The following MTCL3 variants were observed in gnomAD, a reference collection of about 807,000 sequenced individuals.
MTCL3 encodes microtubule cross-linking factor 3.
the MTCL3 span, chr6:127,516,199 C>T: frequency 7.0e-7 from 1 of 1,433,370 alleles, no homozygotes; most frequent in Non-Finnish European, 9.1e-7. Context: ...CGGTCCGGGC[C>T]TCCTGCCGCC....
chr6:127,500,749 T>C, the MTCL3 span, among the ~76,000 whole-genome samples: 1,924 of 152,270 alleles, frequency 0.013, 55 homozygotes, highest in African/African-American at 0.044. Flanking sequence ...TAGTAATAAT[T>C]TTATCTATAA....
chr6:127,516,491 G>C, the MTCL3 span: 1 of 1,599,612 alleles, frequency 6.3e-7, no homozygotes, highest in Non-Finnish European at 8.5e-7. Flanking sequence ...GGTCTAGCGG[G>C]TGACTGAGCT....
At chr6:127,475,269 G>A in the MTCL3 span, 2 of 1,561,672 alleles carry the variant, frequency 1.3e-6, no homozygotes, top group East Asian at 2.3e-5. The surrounding 1 kb of genome is among the most constrained non-coding windows in gnomAD (Gnocchi z 7.3). Context: ...CCACCGCCGT[G>A]GCTCGCAATA....
the MTCL3 span, among the ~76,000 whole-genome samples, chr6:127,507,589 T>C: frequency 6.6e-6 from 1 of 151,952 alleles, no homozygotes; most frequent in Admixed American, 6.6e-5. Flanking sequence ...AAATACATCT[T>C]TAAAAATGCA....
At chr6:127,518,492 C>G in the MTCL3 span, 4 of 152,268 alleles carry the variant, frequency 2.6e-5, no homozygotes, top group Non-Finnish European at 5.9e-5. Flanking sequence ...ACGGCTTAGA[C>G]CAACACTTTT....
the MTCL3 span, among the ~76,000 whole-genome samples, chr6:127,486,737 A>G: frequency 6.6e-6 from 1 of 152,164 alleles, no homozygotes; most frequent in Non-Finnish European, 1.5e-5. Flanking sequence ...CAGGAATTAG[A>G]GAGTTTTGCC....
the MTCL3 span, among the ~76,000 whole-genome samples, chr6:127,506,461 C>T: frequency 6.6e-6 from 1 of 152,190 alleles, no homozygotes; most frequent in Non-Finnish European, 1.5e-5. Context: ...TGTTTCATAA[C>T]AATGTACATC....
the MTCL3 span, among the ~76,000 whole-genome samples, chr6:127,497,423 A>G: frequency 6.6e-6 from 1 of 152,246 alleles, no homozygotes; most frequent in Non-Finnish European, 1.5e-5. Flanking sequence ...ACATAGGTAG[A>G]AAAGACTTGG....
At chr6:127,488,921 A>G in the MTCL3 span, among the ~76,000 whole-genome samples, 1 of 152,216 alleles carries the variant, frequency 6.6e-6, no homozygotes, top group Admixed American at 6.5e-5. Flanking sequence ...ACATTGTATT[A>G]TGTATCATAA....
At chr6:127,473,654 A>C in the MTCL3 span, among the ~76,000 whole-genome samples, 2 of 152,336 alleles carry the variant, frequency 1.3e-5, no homozygotes, top group Admixed American at 1.3e-4. Context: ...TTCATAGCAA[A>C]GCAGAGCAAC....
the MTCL3 span, among the ~76,000 whole-genome samples, chr6:127,511,913 G>T: frequency 6.6e-6 from 1 of 152,120 alleles, no homozygotes; most frequent in African/African-American, 2.4e-5. Context: ...TGACAGGTGG[G>T]TAAATACCTC....
At chr6:127,497,413 A>G in the MTCL3 span, among the ~76,000 whole-genome samples, 37 of 152,240 alleles carry the variant, frequency 2.4e-4, no homozygotes, top group Admixed American at 2.4e-3. Flanking sequence ...AGGGGAAGAA[A>G]CATAGGTAGA....
chr6:127,475,932 G>A, the MTCL3 span: 1 of 1,612,808 alleles, frequency 6.2e-7, no homozygotes, highest in Non-Finnish European at 8.5e-7. The surrounding 1 kb of genome is among the most constrained non-coding windows in gnomAD (Gnocchi z 7.3). Context: ...GCAGGGCCTC[G>A]GTCTTGGCGT....
chr6:127,514,797 C>T, the MTCL3 span: 1 of 1,592,480 alleles, frequency 6.3e-7, no homozygotes, highest in Non-Finnish European at 8.6e-7. Context: ...CCCTGCCGCG[C>T]GCCATTGAGC....
chr6:127,516,172 C>A, the MTCL3 span: 3 of 1,435,112 alleles, frequency 2.1e-6, no homozygotes, highest in South Asian at 1.5e-5. Context: ...CTCTAGCTCC[C>A]GAGGCGGCTC....
the MTCL3 span, among the ~76,000 whole-genome samples, chr6:127,474,005 T>C: frequency 2.0e-5 from 3 of 152,202 alleles, no homozygotes; most frequent in Admixed American, 1.3e-4. Flanking sequence ...ATGCTGGTTT[T>C]CCCTGTTCTG....
chr6:127,480,263 T>C, the MTCL3 span, among the ~76,000 whole-genome samples: 1 of 152,228 alleles, frequency 6.6e-6, no homozygotes, highest in African/African-American at 2.4e-5. Context: ...TCCCATTTTA[T>C]ATATGAAGAA....
the MTCL3 span, among the ~76,000 whole-genome samples, chr6:127,476,855 C>A: frequency 6.6e-6 from 1 of 152,146 alleles, no homozygotes; most frequent in African/African-American, 2.4e-5. The surrounding 1 kb of genome is among the most constrained non-coding windows in gnomAD (Gnocchi z 4.4). Context: ...GCATTTGCGG[C>A]CACTTTTTTG....
chr6:127,515,153 C>T, the MTCL3 span: 2 of 1,036,934 alleles, frequency 1.9e-6, no homozygotes, highest in Non-Finnish European at 2.9e-6. This position sits in a 1 kb window ranked among gnomAD's most constrained non-coding sequence, Gnocchi z 4.3. Flanking sequence ...TTTAATTGCC[C>T]TCTCTCTCCA....
Sources: allele counts gnomAD v4.1 joint callset (sites outside exome capture counted in the v4.1 genomes callset), GRCh38; gene constraint gnomAD v4.1.1; non-coding constraint Gnocchi (gnomAD v3.1); transcripts MANE v1.5; gene names NCBI Gene and HGNC (gene_info 2026-07-23, HGNC 2026-07-21).